RERE: variants seen among roughly 807,000 people sequenced by gnomAD.
RERE encodes the protein arginine-glutamic acid dipeptide repeats, also known as arginine-glutamic acid dipeptide repeats protein.
A neutral mutation model predicts 146.1 loss-of-function variants in RERE; 40 were observed. The observed-to-expected ratio is 0.27, with a 90% confidence interval of 0.21 to 0.36. The LOEUF (loss-of-function observed/expected upper bound fraction) is 0.36, where lower values mean the gene tolerates loss of function less well. Among genes scored for constraint, RERE ranks in the 10% least tolerant of loss-of-function variants. The pLI is 1.00. For synonymous variants in RERE, 1,003 were observed against 866.0 expected (o/e 1.16, Z -2.78); for missense variants, 1,933 against 2,138.7 (o/e 0.90, Z 1.90).
intron 1 of RERE, among the ~76,000 whole-genome samples, chr1:8,779,999 C>T (rs1369730155): frequency 5.3e-5 from 8 of 151,940 alleles, no homozygotes; most frequent in South Asian, 2.1e-4. Context: ...AAGACCAGCA[C>T]GGCCAACTTG....
intron 7 of RERE, among the ~76,000 whole-genome samples, chr1:8,539,582 T>C (rs756256649): frequency 6.6e-6 from 1 of 152,052 alleles, no homozygotes; most frequent in Non-Finnish European, 1.5e-5. Flanking sequence ...ATTTTTGTAT[T>C]TTTAGTAGAA....
At chr1:8,773,601 G>A (rs963043503) in intron 1 of RERE, among the ~76,000 whole-genome samples, 5 of 152,150 alleles carry the variant, frequency 3.3e-5, no homozygotes, top group Admixed American at 6.5e-5. Flanking sequence ...CAGGGTGGGC[G>A]AATCACAAGG....
At chr1:8,751,324 C>T (rs1339020962) in intron 1 of RERE, among the ~76,000 whole-genome samples, 2 of 152,338 alleles carry the variant, frequency 1.3e-5, no homozygotes, top group Non-Finnish European at 2.9e-5. Flanking sequence ...TGCATCTAGT[C>T]TCTCATTTGC....
At chr1:8,786,131 T>TC (rs1203394935) in intron 1 of RERE, 1 of 471,558 alleles carries the variant, frequency 2.1e-6, no homozygotes, top group Non-Finnish European at 3.9e-6. Context: ...TTCTTTTTTT[T>TC]CAACTTGAGA....
At position 8,605,845 on chromosome 1, in the gene RERE, CTTTTTTT is replaced by C. The variant is rs60346942; in HGVS notation, c.522+8709_522+8715del. On this transcript the variant is annotated intron_variant, in intron 4 of 22. Coordinates refer to ENST00000400908, the MANE Select transcript of RERE (RefSeq NM_001042681.2). The stretch of plus-strand genomic sequence containing the variant: ...ACAAATTTAAGTGTTAAATACCAAA[CTTTTTTT>C]TTTTTTTTTTGAGACAGCGTCTCAC... 3.2e-5 allele frequency among the ~76,000 whole-genome samples: 3 copies of C among 93,220 alleles called. 1 individual carries two copies. In the South Asian group the frequency reaches 1.2e-3, roughly 38 times the overall value. The allele number at this position is 93,220 out of a possible 152,430, so 61.2% of individuals were successfully genotyped here.
At chr1:8,575,673 T>G (rs1570459765) in intron 4 of RERE, among the ~76,000 whole-genome samples, 1 of 151,352 alleles carries the variant, frequency 6.6e-6, no homozygotes, top group South Asian at 2.1e-4. Context: ...GGGATTAGAC[T>G]TGGGCCATTG....
At chr1:8,427,073 C>G (rs1644024603) in intron 11 of RERE, among the ~76,000 whole-genome samples, 1 of 152,102 alleles carries the variant, frequency 6.6e-6, no homozygotes, top group African/African-American at 2.4e-5. Context: ...CCAGGCTGGT[C>G]TCAAACTCCT....
chr1:8,749,669 G>C (rs1640491793), intron 1 of RERE, among the ~76,000 whole-genome samples: 1 of 152,176 alleles, frequency 6.6e-6, no homozygotes, highest in South Asian at 2.1e-4. Context: ...GATGCTAAGG[G>C]AGCAAGTGGA....
chr1:8,476,737 A>G (rs967447554), intron 10 of RERE, among the ~76,000 whole-genome samples: 2 of 152,232 alleles, frequency 1.3e-5, no homozygotes, highest in African/African-American at 4.8e-5. Context: ...AAGCAGTGCT[A>G]TTATTGCAGT....
At chr1:8,800,931 C>T (rs1036531860) in intron 1 of RERE, among the ~76,000 whole-genome samples, 3 of 152,144 alleles carry the variant, frequency 2.0e-5, no homozygotes, top group Admixed American at 6.5e-5. Flanking sequence ...CGCCACTGCA[C>T]TCCACCTGGG....
At position 8,541,267 on chromosome 1, in the gene RERE, A is replaced by G; in HGVS notation, c.777T>C (p.Phe259=). The G allele has an allele frequency of 6.2e-7, 1 of 1,612,498 alleles. No individual in the cohort carries two copies. ...AGAAAAATGAATCCACTCGGGCTTT[A>G]AACTCTCTAGCAGCAAATATGTCAG... ...HFSDIFAARE[F]KARVDSFFYI... is the part of the protein sequence containing the mutation. Residue 259 remains phenylalanine, a synonymous_variant, in exon 7 of 23, where the codon TTT becomes TTC. Coordinates refer to ENST00000400908, the MANE Select transcript of RERE (RefSeq NM_001042681.2).
At chr1:8,396,062 T>C (rs951573234) in intron 12 of RERE, among the ~76,000 whole-genome samples, 10 of 152,168 alleles carry the variant, frequency 6.6e-5, no homozygotes, top group Non-Finnish European at 1.5e-5. Context: ...CAAGAAATAT[T>C]AGCAAAAGCC....
At chr1:8,494,291 A>G (rs1645015172) in intron 10 of RERE, among the ~76,000 whole-genome samples, 1 of 152,188 alleles carries the variant, frequency 6.6e-6, no homozygotes, top group Non-Finnish European at 1.5e-5. Context: ...CCATCCCTCC[A>G]TGTGCTTTAA....
intron 11 of RERE, among the ~76,000 whole-genome samples, chr1:8,462,989 T>A (rs1305570613): frequency 6.6e-6 from 1 of 152,042 alleles, no homozygotes; most frequent in Non-Finnish European, 1.5e-5. Context: ...CTGGAACACA[T>A]TTGTTTTGCT....
rs1200849024 is a variant in RERE at position 8,423,666 on chromosome 1, C to A, written c.1204-859G>T. On this transcript the variant is annotated intron_variant, in intron 11 of 22. Transcript: ENST00000400908. This position sits in a 1 kb window ranked among gnomAD's most constrained non-coding sequence, Gnocchi z 5.4. ...CGTCGCCTGTCACTGGGCTCCGGCT[C>A]CACAAAGCGCAGGGCGGAGGCGGCC... The A allele has an allele frequency of 1.0e-5, 10 of 984,196 alleles. No individual in the cohort carries two copies. The highest frequency in any genetic ancestry group is 1.2e-5 in the Non-Finnish European group (10 of 829,654). The allele number at this position is 984,196 out of a possible 1,614,324, so 61.0% of individuals were successfully genotyped here. A position where few individuals can be genotyped will look rare whatever the true frequency, so the allele number is the denominator to read the frequency against.
chr1:8,358,151 C>T, intron 20 of RERE, 45 bp downstream of exon 20: 3 of 1,551,352 alleles, frequency 1.9e-6, no homozygotes, highest in South Asian at 2.4e-5. Flanking sequence ...AGGCTCTGCA[C>T]CCCTCCCCGT....
At position 8,556,954 on chromosome 1, in the gene RERE, C is replaced by G. The variant is rs150438871; in HGVS notation, c.629-383G>C. On this transcript the variant is annotated intron_variant, in intron 5 of 22. Transcript: ENST00000400908. ...TATTACAAAATGGAGTGAACTTACA[C>G]AGTTTCCATTGATAAGAATATTTTT... Among the ~76,000 whole-genome samples the G allele has an allele frequency of 1.9e-3, 284 of 151,554 alleles. 4 individuals carry two copies. Among genetic ancestry groups the G allele is most frequent in the Non-Finnish European group, 7.1e-4 (48 of 67,970 alleles).
rs1021195649 is a variant in RERE, at chr1:8,418,704, C to A, written c.1284+4023G>T. The stretch of plus-strand genomic sequence containing the variant: ...TATCTCATGATTTTGAAGAAAACTG[C>A]AATGTATAGACAAATCAAACAAAAA... On this transcript the variant is annotated intron_variant, in intron 12 of 22. Coordinates refer to ENST00000400908, the MANE Select transcript of RERE (RefSeq NM_001042681.2). Among the ~76,000 whole-genome samples, 23 of 152,318 alleles carry A rather than the reference C, an allele frequency of 1.5e-4. 1 individual carries two copies. Among genetic ancestry groups the A allele is most frequent in the Non-Finnish European group, 2.9e-5 (2 of 68,030 alleles).
intron 1 of RERE, among the ~76,000 whole-genome samples, chr1:8,725,329 G>A (rs1557504981): frequency 6.6e-6 from 1 of 152,178 alleles, no homozygotes; most frequent in African/African-American, 2.4e-5. Flanking sequence ...ACTTTGGGAG[G>A]CCAAGGTGGG....
Sources: gnomAD v4.1 joint callset for allele counts (sites outside exome capture counted in the v4.1 genomes callset) on GRCh38, gnomAD v4.1.1 for gene constraint, Gnocchi (gnomAD v3.1) non-coding constraint, MANE v1.5 for transcripts, NCBI Gene and HGNC (gene_info 2026-07-23, HGNC 2026-07-21) for gene names.